ECT2L: variants seen among roughly 807,000 people sequenced by gnomAD.
ECT2L encodes the protein epithelial cell-transforming sequence 2 oncogene-like.
ECT2L carries 126 observed loss-of-function variants against 122.8 expected under a neutral mutation model. That is an observed-to-expected ratio of 1.03 (90% CI 0.89 to 1.19). The LOEUF (loss-of-function observed/expected upper bound fraction) is 1.19, where lower values mean the gene tolerates loss of function less well. ECT2L is among the 50% of genes most tolerant of loss of function. The pLI, the probability that ECT2L is intolerant of heterozygous loss-of-function variation, is 0.00. For synonymous variants in ECT2L, 385 were observed against 381.8 expected (o/e 1.01, Z -0.10); for missense variants, 1,012 against 1,064.1 (o/e 0.95, Z 0.68).
chr6:138,821,738 T>C (rs1254376057), intron 4 of ECT2L, among the ~76,000 whole-genome samples: 2 of 152,248 alleles, frequency 1.3e-5, no homozygotes, highest in African/African-American at 4.8e-5. Context: ...TGCATGGGAC[T>C]CAACAGTGAG....
rs1776318132 is a variant in ECT2L at position 138,822,942 on chromosome 6, T to A, written c.179+8339T>A. 2.5e-6 allele frequency: 4 copies of A among 1,613,256 alleles called. No individual in the cohort carries two copies. In the South Asian group the frequency reaches 4.4e-5, roughly 18 times the overall value. On this transcript the variant is annotated intron_variant, in intron 4 of 21. Coordinates refer to ENST00000541398, the MANE Select transcript of ECT2L (RefSeq NM_001077706.3). ...AGGCAATTCCATGGTAGTGGCAATTTATGCCTATTACAAGAAACAGAGAAC... is the reference window on the plus strand; with the variant it reads ...AGGCAATTCCATGGTAGTGGCAATTAATGCCTATTACAAGAAACAGAGAAC...
chr6:138,902,556 G>C lies in ECT2L; in HGVS notation c.2644G>C (p.Glu882Gln). ...AAAATATAAATGGATTTGTGCTACA[G>C]AAATAGAGGATGATAAGTTCCTATG... The part of the protein sequence containing the change: ...GPKYKWICAT[E>Q]IEDDKFLWLS... Residue 882 changes from glutamate (E) to glutamine (Q), a missense_variant, in exon 22 of 22, where the codon GAA (glutamate) becomes CAA (glutamine). Coordinates refer to ENST00000541398, the MANE Select transcript of ECT2L (RefSeq NM_001077706.3). The C allele has an allele frequency of 1.2e-6, 2 of 1,613,826 alleles. No homozygotes were observed. The highest frequency in any genetic ancestry group is 1.7e-6 in the Non-Finnish European group (2 of 1,179,846).
chr6:138,837,992 C>T (rs1401346920), intron 4 of ECT2L, among the ~76,000 whole-genome samples: 1 of 151,734 alleles, frequency 6.6e-6, no homozygotes, highest in East Asian at 1.9e-4. Flanking sequence ...CCTCAGTCTC[C>T]TGGGTTCAAG....
chr6:138,868,112 T>A lies in ECT2L; in HGVS notation c.1484T>A (p.Met495Lys). ...GGCCTTGTATTTACAGGGCAGTTTATGTTTGACACCATGGGTATGACCAAC... is the reference window on the plus strand; with the variant it reads ...GGCCTTGTATTTACAGGGCAGTTTAAGTTTGACACCATGGGTATGACCAAC... Reference protein sequence around the residue: ...SISGRMIGQFMFDTMGMTNIL... With the variant: ...SISGRMIGQFKFDTMGMTNIL... Residue 495 changes from methionine (M) to lysine (K), a missense_variant, in exon 13 of 22, where the codon ATG becomes AAG. Met to Lys is a moderately conservative substitution (Grantham distance 95). Coordinates refer to ENST00000541398, the MANE Select transcript of ECT2L (RefSeq NM_001077706.3). 1 of 1,608,880 alleles carries A rather than the reference T, an allele frequency of 6.2e-7. No individual in the cohort carries two copies. The highest frequency in any genetic ancestry group is 8.5e-7 in the Non-Finnish European group (1 of 1,177,630).
intron 13 of ECT2L, among the ~76,000 whole-genome samples, chr6:138,873,872 C>CTGTGTGTGTGTG (rs57839466): frequency 0.011 from 808 of 71,324 alleles, 12 homozygotes; most frequent in Non-Finnish European, 0.013. Flanking sequence ...AAATCCAGGA[C>CTGTGTGTGTGTG]TGTGTGTGTG....
intron 1 of ECT2L, among the ~76,000 whole-genome samples, chr6:138,798,136 A>G (rs1775406483): frequency 6.6e-6 from 1 of 152,180 alleles, no homozygotes; most frequent in Non-Finnish European, 1.5e-5. Context: ...CAGCCCCTCC[A>G]CATGTTCAGC....
chr6:138,826,875 C>T (rs139964987), intron 4 of ECT2L, among the ~76,000 whole-genome samples: 3 of 151,994 alleles, frequency 2.0e-5, no homozygotes, highest in African/African-American at 7.3e-5. Context: ...CTCCACCCAT[C>T]CCCCACTGTC....
chr6:138,888,984 T>C lies in ECT2L; in HGVS notation c.2367T>C (p.Asp789=), dbSNP rs776359008. 1 of 1,553,478 alleles carries C rather than the reference T, an allele frequency of 6.4e-7. No homozygotes were observed. The highest frequency in any genetic ancestry group is 1.8e-5 in the Admixed American group (1 of 55,802). ...EVNRYLIRVQ[D]VAQLHCCDEE... ...ACAGATATCTGATTAGGGTACAAGA[T>C]GTAGCCCAACTTCATTGCTGTGATG... Residue 789 remains aspartate, a synonymous_variant, in exon 20 of 22, where the codon GAT becomes GAC. Transcript: ENST00000541398.
intron 1 of ECT2L, among the ~76,000 whole-genome samples, chr6:138,805,174 T>C (rs1775674803): frequency 6.6e-6 from 1 of 152,220 alleles, no homozygotes. Context: ...TTCATTGACG[T>C]ATAGTATTCT....
At chr6:138,884,250 G>A (rs908593370) in intron 16 of ECT2L, among the ~76,000 whole-genome samples, 19 of 152,156 alleles carry the variant, frequency 1.2e-4, no homozygotes, top group African/African-American at 4.6e-4. Context: ...GTGAATATTT[G>A]ATTTCTGTAA....
intron 20 of ECT2L, among the ~76,000 whole-genome samples, chr6:138,899,591 A>G (rs998348357): frequency 2.0e-4 from 31 of 152,162 alleles, no homozygotes; most frequent in African/African-American, 6.0e-4. Flanking sequence ...ATAAAAGCCA[A>G]TAGCAGGGAT....
At chr6:138,827,776 T>A (rs1288369703) in intron 4 of ECT2L, among the ~76,000 whole-genome samples, 1 of 151,978 alleles carries the variant, frequency 6.6e-6, no homozygotes, top group East Asian at 1.9e-4. Context: ...CCAGACTGGT[T>A]TCAAACTCCT....
intron 10 of ECT2L, 68 bp downstream of exon 10, chr6:138,854,222 T>G: frequency 6.7e-7 from 1 of 1,492,502 alleles, no homozygotes; most frequent in South Asian, 1.4e-5. Flanking sequence ...TGTGAATTAT[T>G]GAAGTGCCCC....
chr6:138,869,822 CCT>C (rs1778185496), intron 13 of ECT2L, among the ~76,000 whole-genome samples: 1 of 152,056 alleles, frequency 6.6e-6, no homozygotes, highest in South Asian at 2.1e-4. Flanking sequence ...TCTTCCTCCC[CCT>C]GAAAGACAAC....
At chr6:138,811,098 T>C (rs1439392001) in intron 1 of ECT2L, among the ~76,000 whole-genome samples, 1 of 152,238 alleles carries the variant, frequency 6.6e-6, no homozygotes, top group Non-Finnish European at 1.5e-5. Flanking sequence ...AGTGATAGGA[T>C]GTCCCTTCTG....
chr6:138,901,689 T>C (rs1317019978), intron 21 of ECT2L, among the ~76,000 whole-genome samples: 1 of 152,210 alleles, frequency 6.6e-6, no homozygotes, highest in Non-Finnish European at 1.5e-5. Context: ...AAACCCACTA[T>C]ACATATTTTG....
chr6:138,864,002 T>TAAAAAAAAAAAAAAAAAAAAAAAAAAAAA (rs1172466449), intron 11 of ECT2L, among the ~76,000 whole-genome samples: 1 of 55,846 alleles, frequency 1.8e-5, no homozygotes, highest in African/African-American at 7.8e-5. Flanking sequence ...TCTCCGTATT[T>TAAAAAAAAAAAAAAAAAAAAAAAAAAAAA]AAAAAAAAAA....
intron 4 of ECT2L, among the ~76,000 whole-genome samples, chr6:138,822,352 A>ACTTGAGCTT (rs1251753443): frequency 6.6e-6 from 1 of 152,108 alleles, no homozygotes; most frequent in Non-Finnish European, 1.5e-5. Context: ...TTAGGAGTTC[A>ACTTGAGCTT]AGACCAGCCT....
At chr6:138,841,101 T>C (rs1186387812) in intron 5 of ECT2L, among the ~76,000 whole-genome samples, 3 of 152,206 alleles carry the variant, frequency 2.0e-5, no homozygotes, top group Non-Finnish European at 2.9e-5. Context: ...TTCTAGAATA[T>C]TGATTTAATT....
Sources: gnomAD v4.1 joint callset for allele counts (sites outside exome capture counted in the v4.1 genomes callset) on GRCh38, gnomAD v4.1.1 for gene constraint, MANE v1.5 for transcripts, NCBI Gene and HGNC (gene_info 2026-07-23, HGNC 2026-07-21) for gene names.